Variants in MAP3K2 observed in about 807,000 individuals in gnomAD.
The protein encoded by MAP3K2 is mitogen-activated protein kinase kinase kinase 2, also known as MAP/ERK kinase kinase 2.
In MAP3K2, 24 loss-of-function variants were observed where a neutral mutation model predicts 80.3. The observed-to-expected ratio is 0.30, with a 90% CI of 0.22 to 0.42. The LOEUF is 0.42. MAP3K2 is among the 10% of genes least tolerant of loss of function. The probability of loss-of-function intolerance (pLI) is 1.00; values close to 1 mark genes in which losing one functional copy is unlikely to be tolerated. For missense variants in MAP3K2, 608 were observed against 750.1 expected, an observed-to-expected ratio of 0.81 and a Z score of 2.21; for synonymous variants, 244 against 253.7, an observed-to-expected ratio of 0.96 and a Z score of 0.36.
intron 1 of MAP3K2, among the ~76,000 whole-genome samples, chr2:127,349,419 GCCTC>G (rs1686654434): frequency 6.6e-6 from 1 of 152,010 alleles, no homozygotes; most frequent in Non-Finnish European, 1.5e-5. Flanking sequence ...TCCTGCCTCG[GCCTC>G]TCAAAGTGTT....
chr2:127,324,656 C>T (rs6430937), intron 9 of MAP3K2, among the ~76,000 whole-genome samples: 119,700 of 152,154 alleles, frequency 0.79, 47,224 homozygotes, highest in Middle Eastern at 0.83. Context: ...ATATAGCTTT[C>T]TCGTTACTAC....
intron 1 of MAP3K2, among the ~76,000 whole-genome samples, chr2:127,380,060 A>G (rs748771040): frequency 2.0e-5 from 3 of 152,236 alleles, no homozygotes; most frequent in African/African-American, 7.2e-5. Flanking sequence ...CTCAACCAGT[A>G]AATTCAAACC....
chr2:127,374,397 A>G (rs1241837953), intron 1 of MAP3K2, among the ~76,000 whole-genome samples: 1 of 152,154 alleles, frequency 6.6e-6, no homozygotes. Context: ...AAGCAGACCT[A>G]CAGGTTATGA....
intron 1 of MAP3K2, among the ~76,000 whole-genome samples, chr2:127,380,909 G>C (rs942373407): frequency 1.3e-5 from 2 of 152,220 alleles, no homozygotes; most frequent in East Asian, 1.9e-4. Flanking sequence ...CTTATAACTG[G>C]CTTCATAAAA....
At chr2:127,326,593 G>T in intron 8 of MAP3K2, 94 bp downstream of exon 8, 2 of 844,300 alleles carry the variant, frequency 2.4e-6, no homozygotes, top group Non-Finnish European at 3.4e-6. Context: ...TTAGAGAAGA[G>T]ATAATACACA....
chr2:127,388,071 C>G, upstream of MAP3K2: 1 of 984,026 alleles, frequency 1.0e-6, no homozygotes, highest in African/African-American at 1.7e-5. Flanking sequence ...GCGCGCCCGG[C>G]CCAGGGGAGT....
intron 1 of MAP3K2, among the ~76,000 whole-genome samples, chr2:127,375,186 C>T (rs72964371): frequency 2.2e-4 from 34 of 152,144 alleles, no homozygotes; most frequent in African/African-American, 7.2e-4. Context: ...CATAATGCAT[C>T]GAACCATACC....
At chr2:127,383,876 T>TC (rs1476384233) in intron 1 of MAP3K2, among the ~76,000 whole-genome samples, 2 of 83,854 alleles carry the variant, frequency 2.4e-5, no homozygotes, top group East Asian at 4.0e-4. Context: ...AACAAATAAT[T>TC]TTTTTTTTTT....
chr2:127,353,833 G>A (rs1210230637), intron 1 of MAP3K2, among the ~76,000 whole-genome samples: 4 of 151,992 alleles, frequency 2.6e-5, no homozygotes, highest in Non-Finnish European at 5.9e-5. Context: ...TTGAGAAATC[G>A]GATGGTTGCT....
intron 15 of MAP3K2, among the ~76,000 whole-genome samples, 199 bp downstream of exon 15, chr2:127,314,555 C>G (rs1685864813): frequency 6.6e-6 from 1 of 152,168 alleles, no homozygotes; most frequent in African/African-American, 2.4e-5. Flanking sequence ...TGTGAGCCCC[C>G]ACAGTAGAGC....
In MAP3K2 at chr2:127,317,771, G is replaced by A. The variant is rs1287663461; in HGVS notation, c.1195-11C>T. The A allele has an allele frequency of 1.3e-6, 2 of 1,594,932 alleles. No homozygotes were observed. The highest frequency in any genetic ancestry group is 1.7e-4 in the Middle Eastern group (1 of 6,044). ...AAGTGCATTTACTTCCTGAAAGAGAGAATTCATTGTTAAGTCTTCAACAAT... is the reference window on the plus strand; with the variant it reads ...AAGTGCATTTACTTCCTGAAAGAGAAAATTCATTGTTAAGTCTTCAACAAT... On this transcript the variant is annotated splice_polypyrimidine_tract_variant and intron_variant, in intron 13 of 16. Coordinates refer to ENST00000682094, the MANE Select transcript of MAP3K2 (RefSeq NM_001371910.2).
chr2:127,355,639 G>A, intron 1 of MAP3K2, among the ~76,000 whole-genome samples: 1 of 151,938 alleles, frequency 6.6e-6, no homozygotes, highest in East Asian at 1.9e-4. Context: ...GACTGATAAG[G>A]GTGGTGGTGG....
intron 1 of MAP3K2, among the ~76,000 whole-genome samples, chr2:127,357,233 A>G (rs1368122895): frequency 6.6e-6 from 1 of 152,226 alleles, no homozygotes; most frequent in African/African-American, 2.4e-5. Flanking sequence ...GAAATCTTAA[A>G]TATCCTGGCA....
Position 127,364,315 on chromosome 2 carries a change from T to C in MAP3K2, c.-65-21121A>G, listed in dbSNP as rs1419241964. The stretch of plus-strand genomic sequence containing the variant: ...AAAAAAAGCAAAGAGTAGGAGTCAA[T>C]AGGTTCTGAGTTATACTACGAAGTG... On this transcript the variant is annotated intron_variant, in intron 1 of 16. Transcript: ENST00000682094. The surrounding 1 kb of genome is among the most constrained non-coding windows in gnomAD (Gnocchi z 4.1). 1.3e-5 allele frequency among the ~76,000 whole-genome samples: 2 copies of C among 152,182 alleles called. No individual in the cohort carries two copies. Among genetic ancestry groups the C allele is most frequent in the African/African-American group, 2.4e-5 (1 of 41,446 alleles).
upstream of MAP3K2, chr2:127,388,198 C>T: frequency 1.0e-6 from 1 of 985,174 alleles, no homozygotes; most frequent in Non-Finnish European, 1.2e-6. Flanking sequence ...CCGCCCCCGC[C>T]CCTGCCCCGG....
chr2:127,327,082 T>G (rs1387329516), intron 7 of MAP3K2, among the ~76,000 whole-genome samples: 1 of 152,188 alleles, frequency 6.6e-6, no homozygotes, highest in Non-Finnish European at 1.5e-5. Flanking sequence ...GCTGATAGGA[T>G]GATAATACAA....
chr2:127,353,497 G>A (rs1573998703), intron 1 of MAP3K2, among the ~76,000 whole-genome samples: 1 of 151,632 alleles, frequency 6.6e-6, no homozygotes, highest in South Asian at 2.1e-4. Context: ...GAGCCCCTCC[G>A]CCCGGCAGCC....
intron 1 of MAP3K2, among the ~76,000 whole-genome samples, chr2:127,377,369 T>C (rs530676237): frequency 4.0e-5 from 6 of 150,034 alleles, no homozygotes; most frequent in Admixed American, 6.8e-5. Context: ...CTATTTAGAA[T>C]AGCATCTAAA....
At chr2:127,326,898 T>G in intron 7 of MAP3K2, 81 bp from the exon 8 acceptor site, 2 of 795,448 alleles carry the variant, frequency 2.5e-6, no homozygotes, top group Non-Finnish European at 3.7e-6. Flanking sequence ...ATTTCTGAAT[T>G]ATATCATTAA....
Sources: gnomAD v4.1 joint callset for allele counts (sites outside exome capture counted in the v4.1 genomes callset) on GRCh38, gnomAD v4.1.1 for gene constraint, Gnocchi (gnomAD v3.1) non-coding constraint, MANE v1.5 for transcripts, NCBI Gene and HGNC (gene_info 2026-07-23, HGNC 2026-07-21) for gene names.